The following GPC6 variants were observed in gnomAD, a reference collection of about 807,000 sequenced individuals.
GPC6 encodes the protein glypican-6.
Under a neutral mutation model 55.2 loss-of-function variants are expected in GPC6, and 14 were observed. The observed-to-expected ratio is 0.25, with a 90% CI of 0.17 to 0.40. GPC6 has a LOEUF of 0.40. Ranked by LOEUF, GPC6 falls within the 10% of genes least tolerant of loss-of-function variation. The pLI, the probability that GPC6 is intolerant of heterozygous loss-of-function variation, is 1.00. For synonymous variants in GPC6, 278 were observed against 259.6 expected, an observed-to-expected ratio of 1.07 and a Z score of -0.68; for missense variants, 641 against 708.5, an observed-to-expected ratio of 0.90 and a Z score of 1.08.
At chr13:94,122,954 G>A (rs1160330532) in intron 4 of GPC6, among the ~76,000 whole-genome samples, 1 of 152,012 alleles carries the variant, frequency 6.6e-6, no homozygotes, top group East Asian at 1.9e-4. Context: ...TTCTGTCTTA[G>A]CTATTTAGAA....
At chr13:93,926,883 G>A (rs1367678400) in intron 3 of GPC6, among the ~76,000 whole-genome samples, 6 of 152,170 alleles carry the variant, frequency 3.9e-5, no homozygotes, top group East Asian at 1.9e-4. Context: ...GAGCTTATGC[G>A]AACATGTGTA....
At chr13:94,322,085 C>A (rs1002206610) in intron 6 of GPC6, among the ~76,000 whole-genome samples, 1 of 152,088 alleles carries the variant, frequency 6.6e-6, no homozygotes, top group Admixed American at 6.6e-5. Context: ...ATAATTCCCA[C>A]GTGTTGTGGG....
At chr13:94,045,848 G>A (rs1157234077) in intron 4 of GPC6, among the ~76,000 whole-genome samples, 2 of 151,664 alleles carry the variant, frequency 1.3e-5, no homozygotes, top group Non-Finnish European at 1.5e-5. Context: ...CGTTTCAGAA[G>A]AGAATGTCCA....
intron 4 of GPC6, among the ~76,000 whole-genome samples, chr13:94,101,593 T>TAAGAA (rs1885863484): frequency 6.6e-6 from 1 of 152,220 alleles, no homozygotes; most frequent in Non-Finnish European, 1.5e-5. Flanking sequence ...AAAGGTCTTA[T>TAAGAA]AGTAACAGAT....
intron 2 of GPC6, among the ~76,000 whole-genome samples, chr13:93,724,379 T>C (rs1883555661): frequency 6.6e-6 from 1 of 152,080 alleles, no homozygotes; most frequent in Admixed American, 6.6e-5. Flanking sequence ...TATTTGTTGA[T>C]CATTTCTGCT....
At chr13:93,539,242 G>A (rs938599098) in intron 1 of GPC6, among the ~76,000 whole-genome samples, 1 of 152,008 alleles carries the variant, frequency 6.6e-6, no homozygotes, top group African/African-American at 2.4e-5. Flanking sequence ...TTCTATCCTA[G>A]GGTCTTTAGC....
At chr13:93,760,643 C>T (rs1235374255) in intron 2 of GPC6, among the ~76,000 whole-genome samples, 1 of 152,132 alleles carries the variant, frequency 6.6e-6, no homozygotes, top group Non-Finnish European at 1.5e-5. Context: ...AGGCTGCCAC[C>T]CCAAAGACTC....
At chr13:94,064,976 T>G (rs531234650) in intron 4 of GPC6, among the ~76,000 whole-genome samples, 3 of 152,306 alleles carry the variant, frequency 2.0e-5, no homozygotes, top group Admixed American at 6.5e-5. Context: ...TATTTAAACA[T>G]GGTTGTGAGA....
intron 1 of GPC6, among the ~76,000 whole-genome samples, chr13:93,263,714 C>T (rs1196878534): frequency 6.6e-6 from 1 of 152,170 alleles, no homozygotes; most frequent in Non-Finnish European, 1.5e-5. Flanking sequence ...TTATTCCTAT[C>T]TGATAGCTAG....
rs114838619 is a variant in GPC6 at position 94,211,735 on chromosome 13, T to C, written c.878-74614T>C. ...CCAGTATTCATCTTAAGCTTTGGCT[T>C]AAAGACCACAAGCTCAGAATCGGTC... On this transcript the variant is annotated intron_variant, in intron 4 of 8. Transcript: ENST00000377047. Among the ~76,000 whole-genome samples, 815 of 152,318 alleles carry C rather than the reference T, an allele frequency of 5.4e-3. 14 individuals are homozygous for C. The highest frequency in any genetic ancestry group is 0.018 in the African/African-American group (769 of 41,570).
intron 6 of GPC6, among the ~76,000 whole-genome samples, chr13:94,327,506 G>A (rs539552351): frequency 1.3e-5 from 2 of 152,146 alleles, no homozygotes; most frequent in African/African-American, 4.8e-5. Flanking sequence ...TTCATATCAC[G>A]GTTCGTTTAC....
At chr13:93,661,850 A>G (rs977558146) in intron 2 of GPC6, among the ~76,000 whole-genome samples, 6 of 152,190 alleles carry the variant, frequency 3.9e-5, no homozygotes, top group Admixed American at 6.5e-5. Flanking sequence ...AATGAAGACA[A>G]TTAAAATAGG....
At chr13:93,254,218 G>A (rs1876876976) in intron 1 of GPC6, among the ~76,000 whole-genome samples, 1 of 152,130 alleles carries the variant, frequency 6.6e-6, no homozygotes, top group Admixed American at 6.5e-5. Context: ...CCCAGCTACC[G>A]AAGAGGCTGA....
chr13:93,750,356 T>G (rs1202162246), intron 2 of GPC6, among the ~76,000 whole-genome samples: 3 of 152,168 alleles, frequency 2.0e-5, no homozygotes, highest in Non-Finnish European at 4.4e-5. Flanking sequence ...TTCCCTTTTG[T>G]TGAGAAATAT....
chr13:94,269,271 A>G (rs935701521), intron 4 of GPC6, among the ~76,000 whole-genome samples: 1 of 152,150 alleles, frequency 6.6e-6, no homozygotes, highest in Non-Finnish European at 1.5e-5. Context: ...GTCTGTAATC[A>G]TTAACACAAT....
intron 3 of GPC6, among the ~76,000 whole-genome samples, chr13:93,866,343 A>C (rs556472784): frequency 1.3e-5 from 2 of 151,838 alleles, no homozygotes; most frequent in African/African-American, 4.8e-5. Flanking sequence ...AGATATACAG[A>C]GCTGTAGGGT....
At chr13:94,034,399 G>A (rs959490220) in intron 4 of GPC6, among the ~76,000 whole-genome samples, 1 of 152,108 alleles carries the variant, frequency 6.6e-6, no homozygotes, top group Non-Finnish European at 1.5e-5. Flanking sequence ...ATGCCTTAAG[G>A]TTGGTGGCAT....
intron 6 of GPC6, among the ~76,000 whole-genome samples, chr13:94,356,607 G>A (rs1357240154): frequency 6.6e-6 from 1 of 152,216 alleles, no homozygotes; most frequent in African/African-American, 2.4e-5. Context: ...TGAAGCAGCT[G>A]TGGATAGGCT....
At chr13:93,471,701 A>G (rs1013996946) in intron 1 of GPC6, among the ~76,000 whole-genome samples, 12 of 150,198 alleles carry the variant, frequency 8.0e-5, no homozygotes, top group South Asian at 2.1e-4. Flanking sequence ...TGTTTTTTTT[A>G]TTAATGTTCT....
Sources: allele counts gnomAD v4.1 joint callset (sites outside exome capture counted in the v4.1 genomes callset), GRCh38; gene constraint gnomAD v4.1.1; transcripts MANE v1.5; gene names NCBI Gene and HGNC (gene_info 2026-07-23, HGNC 2026-07-21).